TOX2: variants seen among roughly 807,000 people sequenced by gnomAD.
The protein encoded by TOX2 is granulosa cell HMG box 1.
A neutral mutation model predicts 47.4 loss-of-function variants in TOX2; 15 were observed. The ratio of observed to expected loss-of-function variants is 0.32; its 90% confidence interval spans 0.21 to 0.49. TOX2 has a LOEUF of 0.49. TOX2 is among the 20% of genes least tolerant of loss of function. The pLI is 0.99. For missense variants in TOX2, 622 were observed against 673.1 expected (o/e 0.92, Z 0.84); for synonymous variants, 290 against 296.6 (o/e 0.98, Z 0.23).
intron 1 of TOX2, among the ~76,000 whole-genome samples, chr20:43,932,016 G>T (rs919919981): frequency 2.6e-5 from 4 of 152,216 alleles, no homozygotes; most frequent in Non-Finnish European, 5.9e-5. Flanking sequence ...ATGAAGAGAA[G>T]TAAGGGCGTG....
At position 43,916,027 on chromosome 20, in the gene TOX2, G is replaced by A. The variant is rs979609644; in HGVS notation, c.99+1037G>A. On this transcript the variant is annotated intron_variant, in intron 1 of 8. Transcript: ENST00000341197. The surrounding 1 kb of genome is among the most constrained non-coding windows in gnomAD (Gnocchi z 5.0). ...GCAGTCCGCGTCCCCTTCGGTCGCC[G>A]GAGAGGGAACTTTCAAACTTAGTTA... The A allele has an allele frequency of 1.3e-6, 1 of 793,834 alleles. No individual in the cohort carries two copies. Among genetic ancestry groups the A allele is most frequent in the Non-Finnish European group, 1.5e-6 (1 of 655,114 alleles). 49.2% of individuals were successfully genotyped at this position (793,834 alleles called of 1,614,324 possible). A position where few individuals can be genotyped will look rare whatever the true frequency, so the allele number is the denominator to read the frequency against.
chr20:43,978,184 A>G, intron 2 of TOX2, among the ~76,000 whole-genome samples: 1 of 152,154 alleles, frequency 6.6e-6, no homozygotes, highest in Non-Finnish European at 1.5e-5. Context: ...TTCTTTGGAA[A>G]ATTGGAACTG....
intron 3 of TOX2, among the ~76,000 whole-genome samples, chr20:44,037,836 G>A (rs970245579): frequency 1.6e-4 from 24 of 152,236 alleles, no homozygotes; most frequent in Admixed American, 1.5e-3. Context: ...GTAACGGGGC[G>A]ATGCTACAAA....
chr20:43,945,708 A>G, intron 1 of TOX2: 1 of 618,478 alleles, frequency 1.6e-6, no homozygotes, highest in Non-Finnish European at 2.6e-6. Context: ...GACCGCCACC[A>G]GGAGCTCCGA....
At chr20:44,038,987 C>G in intron 3 of TOX2, 1 of 1,196,270 alleles carries the variant, frequency 8.4e-7, no homozygotes, top group Non-Finnish European at 1.1e-6. Context: ...AGATGTGGCT[C>G]GGGAGCGTGG....
chr20:43,937,829 A>C (rs570173279), intron 1 of TOX2, among the ~76,000 whole-genome samples: 2 of 152,286 alleles, frequency 1.3e-5, no homozygotes, highest in South Asian at 4.2e-4. Context: ...AAGGCAGATC[A>C]GGGGCTGTGG....
intron 5 of TOX2, among the ~76,000 whole-genome samples, chr20:44,059,889 T>C (rs951183392): frequency 6.6e-6 from 1 of 152,176 alleles, no homozygotes; most frequent in Non-Finnish European, 1.5e-5. Context: ...GCACAACGAA[T>C]AGAATAGTAC....
At position 44,006,640 on chromosome 20, in the gene TOX2, G is replaced by A; in HGVS notation, c.259G>A (p.Asp87Asn). The change falls in exon 3 of 9, where the codon GAC becomes AAC. Residue 87 changes from aspartate (D) to asparagine (N), a missense_variant. Physicochemically the swap from Asp to Asn is conservative, Grantham distance 23. Around this residue, in one of 3 missense-constraint regions of TOX2, gnomAD observed 307 missense variants for 327.3 expected, o/e 0.94. Coordinates refer to ENST00000341197, the MANE Select transcript of TOX2 (RefSeq NM_001098797.2). ...GGAGCCATCCCTCCTGCACCTGGGG[G>A]ACCACGAAGCCAGCTACCACTCGCT... ...LPEPSLLHLG[D>N]HEASYHSLCH... 1 of 1,614,070 alleles carries A rather than the reference G, an allele frequency of 6.2e-7. No homozygotes were observed. Among genetic ancestry groups the A allele is most frequent in the Non-Finnish European group, 8.5e-7 (1 of 1,180,034 alleles).
intron 3 of TOX2, among the ~76,000 whole-genome samples, chr20:44,008,296 C>A (rs957993662): frequency 6.6e-6 from 1 of 151,964 alleles, no homozygotes; most frequent in Non-Finnish European, 1.5e-5. Context: ...CATGGTGGCT[C>A]ACAGCTCTAA....
At chr20:43,942,901 A>G (rs1016716710) in intron 1 of TOX2, among the ~76,000 whole-genome samples, 3 of 152,110 alleles carry the variant, frequency 2.0e-5, no homozygotes, top group Non-Finnish European at 2.9e-5. Flanking sequence ...GAACTAAAAA[A>G]ATGCTGAGTT....
intron 2 of TOX2, among the ~76,000 whole-genome samples, chr20:43,982,147 A>G (rs1279840408): frequency 6.6e-6 from 1 of 151,786 alleles, no homozygotes; most frequent in Non-Finnish European, 1.5e-5. Context: ...AGAGAAAAGG[A>G]GTGTGGCTTT....
intron 1 of TOX2, among the ~76,000 whole-genome samples, chr20:43,940,051 T>C (rs1376941467): frequency 1.3e-5 from 2 of 152,078 alleles, no homozygotes; most frequent in Non-Finnish European, 2.9e-5. Flanking sequence ...GTATGGGGCT[T>C]GGGGTACTGC....
chr20:43,946,180 G>GGGCCA (rs2069467696), intron 1 of TOX2: 1 of 1,314,248 alleles, frequency 7.6e-7, no homozygotes, highest in African/African-American at 1.5e-5. Flanking sequence ...TGCTTTAGAG[G>GGGCCA]GGCCAGGAGG....
chr20:44,028,302 G>T (rs1443929803), intron 3 of TOX2, among the ~76,000 whole-genome samples: 1 of 152,160 alleles, frequency 6.6e-6, no homozygotes. Flanking sequence ...GCTGGGCAGG[G>T]GGGTGAGGGG....
intron 1 of TOX2, among the ~76,000 whole-genome samples, chr20:43,940,190 G>A (rs562330083): frequency 5.3e-5 from 8 of 152,124 alleles, no homozygotes; most frequent in Admixed American, 1.3e-4. Flanking sequence ...CAGTGGGGCC[G>A]TGGAAGGATT....
chr20:43,981,021 A>C (rs1348088096), intron 2 of TOX2, among the ~76,000 whole-genome samples: 1 of 152,236 alleles, frequency 6.6e-6, no homozygotes, highest in Non-Finnish European at 1.5e-5. Flanking sequence ...GGTAGAAAAA[A>C]AGGAAGGAGA....
chr20:44,048,185 A>T (rs2071442801), intron 3 of TOX2, among the ~76,000 whole-genome samples: 1 of 151,998 alleles, frequency 6.6e-6, no homozygotes, highest in African/African-American at 2.4e-5. Context: ...AGATAGCATC[A>T]CTGCACTCCA....
At chr20:43,969,353 C>T (rs191620107) in intron 1 of TOX2, among the ~76,000 whole-genome samples, 50 of 152,298 alleles carry the variant, frequency 3.3e-4, no homozygotes, top group African/African-American at 8.2e-4. Flanking sequence ...GTATGCACTG[C>T]GGTGGGTGTA....
At chr20:43,967,731 G>T (rs918248143) in intron 1 of TOX2, among the ~76,000 whole-genome samples, 7 of 151,904 alleles carry the variant, frequency 4.6e-5, no homozygotes, top group Admixed American at 2.6e-4. Flanking sequence ...ATTTTATATT[G>T]ATTACATGTT....
Sources: gnomAD v4.1 joint callset for allele counts (sites outside exome capture counted in the v4.1 genomes callset) on GRCh38, gnomAD v4.1.1 for gene constraint, gnomAD v4.1.1 regional missense constraint, Gnocchi (gnomAD v3.1) non-coding constraint, MANE v1.5 for transcripts, NCBI Gene and HGNC (gene_info 2026-07-23, HGNC 2026-07-21) for gene names.